Variants in KCND2 observed in about 807,000 individuals in gnomAD.
KCND2 encodes A-type voltage-gated potassium channel KCND2.
A neutral mutation model predicts 54.4 loss-of-function variants in KCND2; 16 were observed. The ratio of observed to expected loss-of-function variants is 0.29; its 90% CI spans 0.20 to 0.45. The LOEUF (loss-of-function observed/expected upper bound fraction) is 0.45, where lower values mean the gene tolerates loss of function less well. Ranked by LOEUF, KCND2 falls within the 20% of genes least tolerant of loss-of-function variation. The probability of loss-of-function intolerance (pLI) is 1.00; values close to 1 mark genes in which losing one functional copy is unlikely to be tolerated. For missense variants in KCND2, 486 were observed against 824.2 expected (o/e 0.59, Z 5.02); for synonymous variants, 317 against 310.7 (o/e 1.02, Z -0.21).
chr7:120,559,338 T>C (rs1226890979), intron 1 of KCND2, among the ~76,000 whole-genome samples: 3 of 152,202 alleles, frequency 2.0e-5, no homozygotes, highest in Admixed American at 6.5e-5. Flanking sequence ...GCACACACAA[T>C]CTCACTTTTC....
intron 1 of KCND2, among the ~76,000 whole-genome samples, chr7:120,277,969 G>C (rs1799203296): frequency 6.6e-6 from 1 of 151,908 alleles, no homozygotes; most frequent in East Asian, 1.9e-4. Flanking sequence ...TTACTTTAAA[G>C]ACTTAGCTTC....
intron 1 of KCND2, among the ~76,000 whole-genome samples, chr7:120,633,514 C>T (rs376504099): frequency 3.3e-5 from 5 of 152,232 alleles, no homozygotes; most frequent in South Asian, 4.2e-4. Flanking sequence ...AAATACAACC[C>T]GTGCTGAACC....
chr7:120,531,325 C>T (rs1490962113), intron 1 of KCND2, among the ~76,000 whole-genome samples: 1 of 152,060 alleles, frequency 6.6e-6, no homozygotes, highest in East Asian at 1.9e-4. Context: ...TACTAACCTG[C>T]CTTTACCCAT....
At chr7:120,610,078 A>G (rs1279095830) in intron 1 of KCND2, among the ~76,000 whole-genome samples, 2 of 152,126 alleles carry the variant, frequency 1.3e-5, no homozygotes, top group Non-Finnish European at 2.9e-5. Flanking sequence ...GTTATCACAT[A>G]TGTTATTATA....
chr7:120,484,701 G>GCACACACACACACA (rs3067134), intron 1 of KCND2, among the ~76,000 whole-genome samples: 21 of 137,638 alleles, frequency 1.5e-4, no homozygotes, highest in Middle Eastern at 3.6e-3. Flanking sequence ...TATATTACAC[G>GCACACACACACACA]CACACACACA....
intron 1 of KCND2, among the ~76,000 whole-genome samples, chr7:120,368,036 C>A (rs2116411386): frequency 6.6e-6 from 1 of 152,166 alleles, no homozygotes; most frequent in South Asian, 2.1e-4. Flanking sequence ...CATCTAAATG[C>A]CTGGACACAC....
intron 1 of KCND2, among the ~76,000 whole-genome samples, chr7:120,701,321 A>G (rs968250791): frequency 6.9e-5 from 10 of 144,508 alleles, no homozygotes; most frequent in Non-Finnish European, 1.1e-4. Flanking sequence ...TGTTAGTTTT[A>G]TTAGGAGGTA....
At chr7:120,343,856 T>C (rs1267514106) in intron 1 of KCND2, among the ~76,000 whole-genome samples, 1 of 152,212 alleles carries the variant, frequency 6.6e-6, no homozygotes, top group Non-Finnish European at 1.5e-5. Context: ...TATAATCATA[T>C]GCATGTGCAC....
chr7:120,674,036 C>T (rs896570150), intron 1 of KCND2, among the ~76,000 whole-genome samples: 3 of 151,986 alleles, frequency 2.0e-5, no homozygotes, highest in African/African-American at 7.2e-5. Context: ...TCCCAAGTAG[C>T]TGGGACGCAG....
chr7:120,703,078 T>G (rs1792423554), intron 1 of KCND2, among the ~76,000 whole-genome samples: 1 of 152,194 alleles, frequency 6.6e-6, no homozygotes, highest in Admixed American at 6.5e-5. Context: ...AATCTTGATG[T>G]CCTCAGTGGT....
chr7:120,360,808 T>C (rs1800581779), intron 1 of KCND2, among the ~76,000 whole-genome samples: 2 of 152,046 alleles, frequency 1.3e-5, no homozygotes, highest in African/African-American at 4.8e-5. Context: ...AAGAAAACAA[T>C]GGATGGAAAT....
intron 1 of KCND2, among the ~76,000 whole-genome samples, chr7:120,353,423 T>A (rs1256776729): frequency 1.3e-5 from 2 of 152,006 alleles, no homozygotes; most frequent in Non-Finnish European, 2.9e-5. Flanking sequence ...TAGGCAGAAA[T>A]GAAAATATGT....
intron 1 of KCND2, among the ~76,000 whole-genome samples, chr7:120,418,458 C>T (rs1412635705): frequency 7.3e-6 from 1 of 136,756 alleles, no homozygotes; most frequent in Middle Eastern, 3.4e-3. Flanking sequence ...ACCAAACTGC[C>T]TTGTACTGGA....
At chr7:120,610,419 C>T (rs1207329791) in intron 1 of KCND2, among the ~76,000 whole-genome samples, 1 of 152,076 alleles carries the variant, frequency 6.6e-6, no homozygotes, top group African/African-American at 2.4e-5. Flanking sequence ...ACTGAGTTTA[C>T]CCCCATACCA....
intron 1 of KCND2, among the ~76,000 whole-genome samples, chr7:120,479,796 CAAAAAAA>C (rs771337674): frequency 2.2e-4 from 17 of 75,606 alleles, no homozygotes; most frequent in Non-Finnish European, 4.3e-4. Context: ...TACACACACA[CAAAAAAA>C]AAAAAAAAAA....
chr7:120,426,573 G>A (rs924803943), intron 1 of KCND2, among the ~76,000 whole-genome samples: 3 of 147,914 alleles, frequency 2.0e-5, no homozygotes, highest in African/African-American at 2.5e-5. Context: ...TACGTTTTTT[G>A]TGGGGTTTTT....
At position 120,385,172 on chromosome 7, in the gene KCND2, A is replaced by AT. The variant is rs145451228; in HGVS notation, c.1115+109436dup. Among the ~76,000 whole-genome samples, 205 of 142,486 alleles carry AT rather than the reference A, an allele frequency of 1.4e-3. 1 individual carries two copies. The highest frequency in any genetic ancestry group is 2.0e-3 in the South Asian group (9 of 4,472). The allele number at this position is 142,486 out of a possible 152,430, so 93.5% of individuals were successfully genotyped here. A position where few individuals can be genotyped will look rare whatever the true frequency, so the allele number is the denominator to read the frequency against. The stretch of plus-strand genomic sequence containing the variant: ...CAGGTGCATGCCACCACGCTCGACT[A>AT]TTTTTTTTTTTGGTAGAGACGGGGT... On this transcript the variant is annotated intron_variant, in intron 1 of 5. Transcript: ENST00000331113.
chr7:120,470,298 G>A (rs961393489), intron 1 of KCND2, among the ~76,000 whole-genome samples: 7 of 152,078 alleles, frequency 4.6e-5, no homozygotes, highest in African/African-American at 1.4e-4. Context: ...AAATAAATGA[G>A]TTGTACACCA....
At chr7:120,326,608 A>C (rs899317934) in intron 1 of KCND2, among the ~76,000 whole-genome samples, 2 of 152,140 alleles carry the variant, frequency 1.3e-5, no homozygotes, top group Admixed American at 1.3e-4. Context: ...AAAGTTGTGC[A>C]GATAATTATA....
Sources: gnomAD v4.1 joint callset for allele counts (sites outside exome capture counted in the v4.1 genomes callset) on GRCh38, gnomAD v4.1.1 for gene constraint, MANE v1.5 for transcripts, NCBI Gene and HGNC (gene_info 2026-07-23, HGNC 2026-07-21) for gene names.